The following CALCRL variants were observed in gnomAD, a reference collection of about 807,000 sequenced individuals.
CALCRL encodes calcitonin gene-related peptide type 1 receptor.
CALCRL carries 27 observed loss-of-function variants against 60.4 expected under a neutral mutation model. The ratio of observed to expected loss-of-function variants is 0.45; its 90% confidence interval spans 0.33 to 0.62. The LOEUF is 0.62. CALCRL is among the 20% of genes least tolerant of loss of function. The pLI is 0.03. For synonymous variants in CALCRL, 190 were observed against 182.6 expected, an observed-to-expected ratio of 1.04 and a Z score of -0.33; for missense variants, 424 against 540.7, an observed-to-expected ratio of 0.78 and a Z score of 2.14.
intron 1 of CALCRL, among the ~76,000 whole-genome samples, chr2:187,440,024 CAAAT>C (rs1690818945): frequency 1.3e-5 from 2 of 151,940 alleles, no homozygotes; most frequent in South Asian, 2.1e-4. Context: ...AGAAATTATT[CAAAT>C]AAATACTCCC....
intron 1 of CALCRL, among the ~76,000 whole-genome samples, chr2:187,432,843 A>G (rs538685242): frequency 7.2e-5 from 11 of 152,182 alleles, no homozygotes; most frequent in African/African-American, 2.6e-4. Flanking sequence ...TGTACTTTCT[A>G]TGTTTTGGTG....
intron 1 of CALCRL, among the ~76,000 whole-genome samples, chr2:187,398,070 A>G (rs556461790): frequency 6.6e-6 from 1 of 151,656 alleles, no homozygotes; most frequent in African/African-American, 2.4e-5. Context: ...CCCTCTTTTT[A>G]TTTGAAAGAG....
intron 1 of CALCRL, among the ~76,000 whole-genome samples, chr2:187,434,796 T>C (rs1206723236): frequency 6.6e-6 from 1 of 152,060 alleles, no homozygotes; most frequent in East Asian, 1.9e-4. Flanking sequence ...GCTATACCCA[T>C]TAACAATGAT....
intron 5 of CALCRL, among the ~76,000 whole-genome samples, chr2:187,381,339 A>G (rs1330155328): frequency 6.6e-6 from 1 of 152,056 alleles, no homozygotes; most frequent in African/African-American, 2.4e-5. Flanking sequence ...ATAATCTCAC[A>G]TTTTTCTCCA....
At chr2:187,431,648 C>T (rs1489199918) in intron 1 of CALCRL, among the ~76,000 whole-genome samples, 1 of 151,856 alleles carries the variant, frequency 6.6e-6, no homozygotes, top group Non-Finnish European at 1.5e-5. Flanking sequence ...CAGATAGTGC[C>T]TGTTCTTTAA....
chr2:187,386,133 A>AGATAGAT (rs1688196739), intron 3 of CALCRL, among the ~76,000 whole-genome samples: 1 of 151,496 alleles, frequency 6.6e-6, no homozygotes, highest in African/African-American at 2.4e-5. Context: ...AACTTCTTAT[A>AGATAGAT]GATAGATAGA....
chr2:187,424,412 G>A (rs906190713), intron 1 of CALCRL, among the ~76,000 whole-genome samples: 2 of 151,218 alleles, frequency 1.3e-5, no homozygotes, highest in African/African-American at 4.9e-5. Flanking sequence ...TTTCTTATAA[G>A]CCACACCCTT....
chr2:187,371,017 C>T (rs1277954327), intron 8 of CALCRL, among the ~76,000 whole-genome samples: 2 of 152,032 alleles, frequency 1.3e-5, no homozygotes, highest in African/African-American at 2.4e-5. Flanking sequence ...CCAAGGCGGG[C>T]AGATCACGAA....
intron 1 of CALCRL, among the ~76,000 whole-genome samples, chr2:187,422,218 G>T (rs1689906330): frequency 6.6e-6 from 1 of 152,124 alleles, no homozygotes; most frequent in East Asian, 1.9e-4. Flanking sequence ...TTATATCTGT[G>T]TTCAGGCAGA....
At chr2:187,423,573 C>A (rs2105877963) in intron 1 of CALCRL, among the ~76,000 whole-genome samples, 1 of 151,896 alleles carries the variant, frequency 6.6e-6, no homozygotes, top group Non-Finnish European at 1.5e-5. Context: ...AAAACTTACT[C>A]TTGGATGGCA....
chr2:187,426,507 GCTTA>G (rs1396461813), intron 1 of CALCRL, among the ~76,000 whole-genome samples: 3 of 151,878 alleles, frequency 2.0e-5, no homozygotes, highest in Non-Finnish European at 4.4e-5. Flanking sequence ...CGTCTGGAAG[GCTTA>G]CTAAGCTTCA....
intron 8 of CALCRL, 21 bp downstream of exon 8, chr2:187,378,919 A>C (rs200666168): frequency 6.8e-7 from 1 of 1,468,036 alleles, no homozygotes; most frequent in East Asian, 2.3e-5. Context: ...AATTTTCTTA[A>C]AATATTTTAA....
chr2:187,373,052 G>A (rs1262543691), intron 8 of CALCRL, among the ~76,000 whole-genome samples: 1 of 151,988 alleles, frequency 6.6e-6, no homozygotes, highest in Non-Finnish European at 1.5e-5. Flanking sequence ...CAATCTTAAG[G>A]GACATGCTGA....
chr2:187,378,519 T>C (rs1378404539), intron 8 of CALCRL, among the ~76,000 whole-genome samples: 1 of 152,160 alleles, frequency 6.6e-6, no homozygotes, highest in Admixed American at 6.5e-5. Context: ...ATTTAGATTA[T>C]ATTTTTGATG....
chr2:187,365,108 T>C (rs949000350), intron 8 of CALCRL, among the ~76,000 whole-genome samples: 2 of 152,184 alleles, frequency 1.3e-5, no homozygotes, highest in Non-Finnish European at 2.9e-5. Flanking sequence ...ATTCCTGCTA[T>C]TACTTAGAGA....
intron 1 of CALCRL, among the ~76,000 whole-genome samples, chr2:187,426,302 G>C (rs139735838): frequency 2.7e-5 from 4 of 148,968 alleles, no homozygotes; most frequent in Non-Finnish European, 3.0e-5. Context: ...ATCTTTTCTC[G>C]TGAAAATCTT....
chr2:187,416,148 A>T (rs1011623233), intron 1 of CALCRL, among the ~76,000 whole-genome samples: 1 of 152,218 alleles, frequency 6.6e-6, no homozygotes, highest in Non-Finnish European at 1.5e-5. Context: ...GCATATATTA[A>T]TTGGATAGAC....
intron 3 of CALCRL, 68 bp from the exon 4 acceptor site, chr2:187,385,699 A>G (rs1688177310): frequency 1.3e-6 from 1 of 787,664 alleles, no homozygotes; most frequent in East Asian, 2.9e-5. Context: ...GATTCTCAAC[A>G]GAAAATTTAT....
intron 1 of CALCRL, among the ~76,000 whole-genome samples, chr2:187,423,790 A>G (rs1690003583): frequency 6.6e-6 from 1 of 152,098 alleles, no homozygotes; most frequent in African/African-American, 2.4e-5. Flanking sequence ...CATGCAATAG[A>G]ATCCCAAATG....
Sources: gnomAD v4.1 joint callset for allele counts (sites outside exome capture counted in the v4.1 genomes callset) on GRCh38, gnomAD v4.1.1 for gene constraint, MANE v1.5 for transcripts, NCBI Gene and HGNC (gene_info 2026-07-23, HGNC 2026-07-21) for gene names.